Variants in SPIDR observed in about 807,000 individuals in gnomAD.
The protein encoded by SPIDR is scaffold protein involved in DNA repair.
Under a neutral mutation model 104.6 loss-of-function variants are expected in SPIDR, and 93 were observed. The observed-to-expected ratio is 0.89, with a 90% CI of 0.75 to 1.06. SPIDR has a LOEUF of 1.06. Among genes scored for constraint, SPIDR ranks in the 50% least tolerant of loss-of-function variants. The probability of loss-of-function intolerance (pLI) is 0.00; values close to 1 mark genes in which losing one functional copy is unlikely to be tolerated. For missense variants in SPIDR, 1,154 were observed against 1,111.2 expected (o/e 1.04, Z -0.55); for synonymous variants, 431 against 416.9 (o/e 1.03, Z -0.41).
At chr8:47,646,174 TC>T (rs2070315375) in intron 10 of SPIDR, among the ~76,000 whole-genome samples, 1 of 152,158 alleles carries the variant, frequency 6.6e-6, no homozygotes, top group Non-Finnish European at 1.5e-5. Flanking sequence ...GAAAAGATGC[TC>T]AATGTCTCAT....
At chr8:47,319,855 A>G (rs1240684565) in intron 5 of SPIDR, among the ~76,000 whole-genome samples, 1 of 152,052 alleles carries the variant, frequency 6.6e-6, no homozygotes, top group Non-Finnish European at 1.5e-5. Flanking sequence ...TACTGGGTAC[A>G]TAACGAAATG....
At chr8:47,449,748 TAAGG>T (rs1324346421) in intron 8 of SPIDR, among the ~76,000 whole-genome samples, 3 of 152,156 alleles carry the variant, frequency 2.0e-5, no homozygotes, top group African/African-American at 7.2e-5. Context: ...GGAAGGAAGA[TAAGG>T]AAGGCAGTCA....
At chr8:47,564,124 G>C (rs1470561094) in intron 8 of SPIDR, among the ~76,000 whole-genome samples, 3 of 138,996 alleles carry the variant, frequency 2.2e-5, no homozygotes, top group Non-Finnish European at 4.5e-5. Flanking sequence ...CTGTCACCAG[G>C]CTGGAGTGCA....
At chr8:47,713,131 A>G in intron 15 of SPIDR, 1 of 880,504 alleles carries the variant, frequency 1.1e-6, no homozygotes, top group Non-Finnish European at 1.6e-6. Context: ...TGCAGACTCC[A>G]CAAACAAACC....
intron 5 of SPIDR, among the ~76,000 whole-genome samples, chr8:47,312,961 C>G (rs2044509905): frequency 6.6e-6 from 1 of 152,112 alleles, no homozygotes. Flanking sequence ...TTTCCCAGCA[C>G]CATTTATTAA....
chr8:47,279,876 G>A lies in SPIDR; in HGVS notation c.48G>A (p.Trp16Ter). The change falls in exon 2 of 20, where the codon TGG becomes TGA. Residue 16 changes from tryptophan to a stop codon, truncating the protein, a stop_gained. Transcript: ENST00000297423. LOFTEE classifies it high-confidence loss of function. ...CATCTCCACAGAGAAAAAGGAGTTG[G>A]AATACAGAATGCCCATCCTTTCCAG... ...RARGSKRKRS[W>*]NTECPSFPGE... 1 of 1,611,684 alleles carries A rather than the reference G, an allele frequency of 6.2e-7. No individual in the cohort carries two copies. Among genetic ancestry groups the A allele is most frequent in the Non-Finnish European group, 8.5e-7 (1 of 1,178,902 alleles).
intron 8 of SPIDR, among the ~76,000 whole-genome samples, chr8:47,445,553 G>A (rs1554700984): frequency 6.6e-6 from 1 of 152,150 alleles, no homozygotes; most frequent in Non-Finnish European, 1.5e-5. Flanking sequence ...AGGAAGAATT[G>A]CACATCTTTT....
intron 5 of SPIDR, among the ~76,000 whole-genome samples, chr8:47,343,439 A>G (rs1376616478): frequency 1.3e-5 from 2 of 152,176 alleles, no homozygotes; most frequent in Non-Finnish European, 2.9e-5. Context: ...GTCACTGTGC[A>G]CTGGTTACCA....
At chr8:47,701,900 T>A in intron 13 of SPIDR, 36 bp downstream of exon 13, 1 of 1,614,162 alleles carries the variant, frequency 6.2e-7, no homozygotes, top group Non-Finnish European at 8.5e-7. Context: ...TTTTAGGTAT[T>A]GGCCACGTCT....
chr8:47,294,705 A>G (rs1207656808), intron 5 of SPIDR, among the ~76,000 whole-genome samples: 1 of 152,278 alleles, frequency 6.6e-6, no homozygotes, highest in East Asian at 1.9e-4. Flanking sequence ...ATCGTAGCTC[A>G]CTGTAGCCTT....
rs1261010824 is a variant in SPIDR at position 47,702,075 on chromosome 8, TCTCTCTCTCTCTCTCTCTCTCTTACA to T, written c.1977+62_1977+87del. ...CTTTCTCTCTCTCTCTCTCTCTCTC[TCTCTCTCTCTCTCTCTCTCTCTTACA>T]CACACACACACACACACACACACAC... On this transcript the variant is annotated intron_variant, in intron 14 of 19. Coordinates refer to ENST00000297423, the MANE Select transcript of SPIDR (RefSeq NM_001080394.4). 19 of 613,066 alleles carry T rather than the reference TCTCTCTCTCTCTCTCTCTCTCTTACA, an allele frequency of 3.1e-5. No individual in the cohort carries two copies. In the African/African-American group the frequency reaches 3.4e-4, roughly 11 times the overall value. 38.0% of individuals were successfully genotyped at this position (613,066 alleles called of 1,614,324 possible).
chr8:47,532,896 T>G (rs1396272601), intron 8 of SPIDR, among the ~76,000 whole-genome samples: 1 of 152,218 alleles, frequency 6.6e-6, no homozygotes, highest in Non-Finnish European at 1.5e-5. Flanking sequence ...AAACACATCT[T>G]AGCAAATTTA....
At chr8:47,487,530 A>G (rs1362588407) in intron 8 of SPIDR, among the ~76,000 whole-genome samples, 4 of 152,314 alleles carry the variant, frequency 2.6e-5, no homozygotes, top group African/African-American at 7.2e-5. Flanking sequence ...AGAACTCTCC[A>G]CCCAAAATCA....
intron 8 of SPIDR, among the ~76,000 whole-genome samples, chr8:47,443,669 A>C (rs1321232014): frequency 2.6e-5 from 4 of 151,588 alleles, no homozygotes; most frequent in Admixed American, 2.0e-4. Context: ...AAACTTGAGA[A>C]ATAATAGTGA....
At chr8:47,285,422 C>G (rs2154230156) in intron 3 of SPIDR, among the ~76,000 whole-genome samples, 1 of 152,270 alleles carries the variant, frequency 6.6e-6, no homozygotes, top group Non-Finnish European at 1.5e-5. Context: ...AGAGACAAGC[C>G]TCTGACCTTA....
intron 5 of SPIDR, among the ~76,000 whole-genome samples, chr8:47,374,637 T>G (rs986714061): frequency 6.6e-6 from 1 of 152,198 alleles, no homozygotes; most frequent in Non-Finnish European, 1.5e-5. Flanking sequence ...TGAATTTAGT[T>G]TTAGATGTTT....
chr8:47,503,411 G>T (rs920118784), intron 8 of SPIDR, among the ~76,000 whole-genome samples: 1 of 152,044 alleles, frequency 6.6e-6, no homozygotes, highest in African/African-American at 2.4e-5. Flanking sequence ...TGTCTCTTTT[G>T]ATCTTTGTTG....
intron 13 of SPIDR, 37 bp from the exon 14 acceptor site, chr8:47,701,919 C>A: frequency 1.2e-6 from 2 of 1,614,116 alleles, no homozygotes; most frequent in Non-Finnish European, 1.7e-6. Flanking sequence ...CTGTGTGCTT[C>A]GTGTAATGCT....
Position 47,701,882 on chromosome 8 carries a change from A to C in SPIDR, c.1917+18A>C, listed in dbSNP as rs1234332109. 6.2e-7 allele frequency: 1 copy of C among 1,613,926 alleles called. No homozygotes were observed. The highest frequency in any genetic ancestry group is 8.5e-7 in the Non-Finnish European group (1 of 1,180,000). ...TTCTCCAGGTAATGTCTTTGTTTCT[A>C]ACAGGTTTTTTAGGTATTGGCCACG... On this transcript the variant is annotated intron_variant, in intron 13 of 19. Coordinates refer to ENST00000297423, the MANE Select transcript of SPIDR (RefSeq NM_001080394.4).
Sources: allele counts gnomAD v4.1 joint callset (sites outside exome capture counted in the v4.1 genomes callset), GRCh38; gene constraint gnomAD v4.1.1; transcripts MANE v1.5; gene names NCBI Gene and HGNC (gene_info 2026-07-23, HGNC 2026-07-21).